MYBL2: variants seen among roughly 807,000 people sequenced by gnomAD.
The protein encoded by MYBL2 is myb-related protein B.
Under a neutral mutation model 79.9 loss-of-function variants are expected in MYBL2, and 28 were observed. The ratio of observed to expected loss-of-function variants is 0.35; its 90% confidence interval spans 0.26 to 0.48. The LOEUF (loss-of-function observed/expected upper bound fraction) is 0.48. MYBL2 is among the 20% of genes least tolerant of loss of function. MYBL2 has a pLI of 0.99. For missense variants in MYBL2, 735 were observed against 893.9 expected (o/e 0.82, Z 2.27); for synonymous variants, 378 against 361.2 (o/e 1.05, Z -0.53).
intron 2 of MYBL2, among the ~76,000 whole-genome samples, chr20:43,679,535 G>A (rs138526830): frequency 6.6e-6 from 1 of 152,222 alleles, no homozygotes; most frequent in East Asian, 1.9e-4. Flanking sequence ...GTGGGAGGCC[G>A]AAGCGGGAGG....
chr20:43,716,246 T>G lies in MYBL2; in HGVS notation c.*159T>G. 2.0e-4 allele frequency: 193 copies of G among 988,584 alleles called. No homozygotes were observed. The highest frequency in any genetic ancestry group is 5.5e-4 in the East Asian group (17 of 30,944). The allele number at this position is 988,584 out of a possible 1,614,324, so 61.2% of individuals were successfully genotyped here. A position where few individuals can be genotyped will look rare whatever the true frequency, so the allele number is the denominator to read the frequency against. ...AGGTGGAGGCAACAGGGCCATGTGC[T>G]GCCCTGTTGCCGAGCCCAGCTGTGG... is the stretch of plus-strand genomic sequence containing the variant. On this transcript the variant is annotated 3_prime_UTR_variant, in exon 14 of 14. Coordinates refer to ENST00000217026, the MANE Select transcript of MYBL2 (RefSeq NM_002466.4).
chr20:43,715,361 G>T, intron 13 of MYBL2, 78 bp downstream of exon 13: 1 of 1,589,282 alleles, frequency 6.3e-7, no homozygotes, highest in Non-Finnish European at 8.6e-7. Context: ...CCATCCCTGG[G>T]GGTCCTGCAG....
chr20:43,705,975 C>T (rs1379485836), intron 9 of MYBL2, among the ~76,000 whole-genome samples: 2 of 152,216 alleles, frequency 1.3e-5, no homozygotes, highest in East Asian at 1.9e-4. Flanking sequence ...GCTGGGATTA[C>T]AGGCGTGAGC....
intron 6 of MYBL2, among the ~76,000 whole-genome samples, chr20:43,695,675 G>A (rs1287523554): frequency 1.9e-5 from 2 of 104,252 alleles, no homozygotes; most frequent in African/African-American, 7.7e-5. Context: ...AACATAGGGA[G>A]ACTGTCTTTA....
At chr20:43,667,917 C>T (rs1986758475) in intron 1 of MYBL2, among the ~76,000 whole-genome samples, 1 of 152,138 alleles carries the variant, frequency 6.6e-6, no homozygotes, top group South Asian at 2.1e-4. Flanking sequence ...TTCCTGTTCC[C>T]ACGAGGAGTT....
chr20:43,705,917 G>T (rs549888611), intron 9 of MYBL2, among the ~76,000 whole-genome samples: 1 of 150,782 alleles, frequency 6.6e-6, no homozygotes, highest in East Asian at 2.0e-4. Context: ...AGCCAGGATG[G>T]TGTCGATCTC....
At chr20:43,676,583 C>G (rs1987014524) in intron 2 of MYBL2, among the ~76,000 whole-genome samples, 2 of 152,192 alleles carry the variant, frequency 1.3e-5, no homozygotes, top group South Asian at 4.1e-4. Context: ...GATGTTTGGA[C>G]TGTTTGCAGT....
chr20:43,713,571 G>A (rs1987962386), intron 12 of MYBL2, among the ~76,000 whole-genome samples: 1 of 152,044 alleles, frequency 6.6e-6, no homozygotes, highest in Non-Finnish European at 1.5e-5. Context: ...ATCTTTAGTA[G>A]AGACGGGGTT....
chr20:43,671,463 ATTT>A (rs376522569), intron 1 of MYBL2, among the ~76,000 whole-genome samples: 4 of 70,862 alleles, frequency 5.6e-5, no homozygotes, highest in Admixed American at 3.6e-4. Flanking sequence ...GCTGATTTCC[ATTT>A]TTTTTTTTTT....
chr20:43,669,181 C>T (rs561493830), intron 1 of MYBL2, among the ~76,000 whole-genome samples: 2 of 152,062 alleles, frequency 1.3e-5, no homozygotes, highest in South Asian at 2.1e-4. Flanking sequence ...GGAGTGGCCT[C>T]GCGTTGTGTC....
chr20:43,691,574 T>G lies in MYBL2; in HGVS notation c.501-583T>G, dbSNP rs1310394001. 7.4e-5 allele frequency among the ~76,000 whole-genome samples: 11 copies of G among 148,880 alleles called. No homozygotes were observed. In the South Asian group the frequency reaches 1.9e-3, roughly 26 times the overall value. The stretch of plus-strand genomic sequence containing the variant: ...TTTTTTTTTGAGGTGGAATTTTACT[T>G]TTGTTCCCAGGCTGGAGTGCAATGG... On this transcript the variant is annotated intron_variant, in intron 5 of 13. Transcript: ENST00000217026.
intron 1 of MYBL2, among the ~76,000 whole-genome samples, chr20:43,670,700 ACT>A (rs1986833788): frequency 1.3e-5 from 2 of 151,950 alleles, no homozygotes; most frequent in South Asian, 4.2e-4. Flanking sequence ...TATAGGAGTG[ACT>A]CTAGGAAGCA....
chr20:43,715,289 T>C lies in MYBL2; in HGVS notation c.1974+6T>C. On this transcript the variant is annotated splice_donor_region_variant and intron_variant, in intron 13 of 13. Coordinates refer to ENST00000217026, the MANE Select transcript of MYBL2 (RefSeq NM_002466.4). ...ACTTCACGACACCTGCCCCTGTGAG[T>C]GCTGTGGCCATCTCTGGGGGTCCTG... is the stretch of plus-strand genomic sequence containing the variant. 2 of 1,614,064 alleles carry C rather than the reference T, an allele frequency of 1.2e-6. No individual in the cohort carries two copies. Among genetic ancestry groups the C allele is most frequent in the South Asian group, 2.2e-5 (2 of 91,072 alleles).
Position 43,667,214 on chromosome 20 carries a change from ACCCCGG to A in MYBL2, c.-66_-61del, listed in dbSNP as rs1986734650. On this transcript the variant is annotated 5_prime_UTR_variant, in exon 1 of 14. Coordinates refer to ENST00000217026, the MANE Select transcript of MYBL2 (RefSeq NM_002466.4). The stretch of plus-strand genomic sequence containing the variant: ...AGCGGCCGGAGCAGCCCGGGTCCTG[ACCCCGG>A]CCCGGCTCCCGCTCCGGGCTCTGCC... The A allele has an allele frequency of 1.1e-5, 13 of 1,142,718 alleles. No individual in the cohort carries two copies. Among genetic ancestry groups the A allele is most frequent in the Non-Finnish European group, 1.4e-5 (13 of 922,778 alleles). 70.8% of individuals were successfully genotyped at this position (1,142,718 alleles called of 1,614,324 possible). A position where few individuals can be genotyped will look rare whatever the true frequency, so the allele number is the denominator to read the frequency against.
At chr20:43,712,101 T>G (rs1600566989) in intron 11 of MYBL2, among the ~76,000 whole-genome samples, 17 of 131,156 alleles carry the variant, frequency 1.3e-4, no homozygotes, top group African/African-American at 2.9e-4. Flanking sequence ...GGTGGGGGAG[T>G]GGGTTCAGGT....
chr20:43,681,751 T>C (rs771865121), intron 2 of MYBL2, 33 bp from the exon 3 acceptor site: 3 of 1,611,900 alleles, frequency 1.9e-6, no homozygotes, highest in Non-Finnish European at 8.5e-7. Flanking sequence ...TGCACGTATG[T>C]GTGCTGAGCC....
rs759671754 is a variant in MYBL2, at chr20:43,705,170, A to G, written c.1366-49A>G. On this transcript the variant is annotated intron_variant, in intron 8 of 13. Coordinates refer to ENST00000217026, the MANE Select transcript of MYBL2 (RefSeq NM_002466.4). ...CATGATCCCCTGAGGTCTCAGGGATACTCATGCAGGTCATCATTTTGTCTT... is the reference window on the plus strand; with the variant it reads ...CATGATCCCCTGAGGTCTCAGGGATGCTCATGCAGGTCATCATTTTGTCTT... 1.9e-6 allele frequency: 3 copies of G among 1,600,158 alleles called. No individual in the cohort carries two copies. The East Asian group carries it at 6.7e-5, about 36-fold the overall frequency.
Position 43,702,631 on chromosome 20 carries a change from G to C in MYBL2, c.1093G>C (p.Val365Leu), listed in dbSNP as rs758865019. 2.5e-6 allele frequency: 4 copies of C among 1,614,046 alleles called. No individual in the cohort carries two copies. In the Admixed American group the frequency reaches 6.7e-5, roughly 27 times the overall value. ...VLPPRQPSAL[V>L]PSVTEYRLDG... ...GCCACCCCGCCAGCCTTCCGCCCTG[G>C]TGCCCAGTGTGACCGAGTACCGCCT... The change falls in exon 8 of 14, where the codon GTG becomes CTG. Residue 365 changes from valine (V) to leucine (L), a missense_variant. Around this residue, in one of 5 missense-constraint regions of MYBL2, gnomAD observed 243 missense variants for 327.2 expected, o/e 0.74. Transcript: ENST00000217026.
chr20:43,680,540 G>A (rs1433698336), intron 2 of MYBL2, among the ~76,000 whole-genome samples: 3 of 151,798 alleles, frequency 2.0e-5, no homozygotes, highest in Admixed American at 6.6e-5. Context: ...CTCTGTTGCC[G>A]AGGCTGGAGT....
Sources: gnomAD v4.1 joint callset for allele counts (sites outside exome capture counted in the v4.1 genomes callset) on GRCh38, gnomAD v4.1.1 for gene constraint, gnomAD v4.1.1 regional missense constraint, MANE v1.5 for transcripts, NCBI Gene and HGNC (gene_info 2026-07-23, HGNC 2026-07-21) for gene names.